Variants in CASZ1 observed in about 807,000 individuals in gnomAD.
CASZ1 encodes zinc finger protein castor homolog 1.
A neutral mutation model predicts 135.2 loss-of-function variants in CASZ1; 28 were observed. The ratio of observed to expected loss-of-function variants is 0.21; its 90% CI spans 0.15 to 0.28. CASZ1 has a LOEUF of 0.28. Among genes scored for constraint, CASZ1 ranks in the 10% least tolerant of loss-of-function variants. CASZ1 has a pLI of 1.00. For missense variants in CASZ1, 2,161 were observed against 2,453.3 expected, an observed-to-expected ratio of 0.88 and a Z score of 2.52; for synonymous variants, 1,068 against 1,073.4, an observed-to-expected ratio of 0.99 and a Z score of 0.10.
chr1:10,708,931 C>T (rs143390494), intron 2 of CASZ1, among the ~76,000 whole-genome samples: 2,319 of 63,882 alleles, frequency 0.036, 43 homozygotes, highest in Non-Finnish European at 0.049. Flanking sequence ...GTGCCAGGGT[C>T]GGGGGAGGGC....
Position 10,721,107 on chromosome 1 carries a change from C to T in CASZ1, c.-76-15563G>A, listed in dbSNP as rs1033844683. Among the ~76,000 whole-genome samples the T allele has an allele frequency of 4.6e-5, 7 of 152,108 alleles. No individual in the cohort carries two copies. Among genetic ancestry groups the T allele is most frequent in the African/African-American group, 1.4e-4 (6 of 41,436 alleles). ...GGCTCCTGGGCCTCAGGCAACTGCC[C>T]GGTGCCCAGGGTCCCCTTGGCTCCT... On this transcript the variant is annotated intron_variant, in intron 2 of 20. Coordinates refer to ENST00000377022, the MANE Select transcript of CASZ1 (RefSeq NM_001079843.3). The surrounding 1 kb of genome is among the most constrained non-coding windows in gnomAD (Gnocchi z 5.4).
chr1:10,653,717 C>G lies in CASZ1; in HGVS notation c.2340G>C (p.Leu780=). 6.2e-7 allele frequency: 1 copy of G among 1,600,214 alleles called. No homozygotes were observed. The highest frequency in any genetic ancestry group is 8.5e-7 in the Non-Finnish European group (1 of 1,172,954). ...SKISGLLPQG[L]PGSIPLALAL... Reference sequence around the variant, plus strand: ...CCAGGGCCAGGGGGATTGAGCCAGGCAGGCCCTGGGGCAGCAGCCCCGAGA... The same window carrying G: ...CCAGGGCCAGGGGGATTGAGCCAGGGAGGCCCTGGGGCAGCAGCCCCGAGA... Residue 780 remains leucine, a synonymous_variant, in exon 11 of 21, where the codon CTG becomes CTC. Transcript: ENST00000377022.
Position 10,711,228 on chromosome 1 carries a change from C to T in CASZ1, c.-76-5684G>A, listed in dbSNP as rs748813636. Among the ~76,000 whole-genome samples, 14 of 152,198 alleles carry T rather than the reference C, an allele frequency of 9.2e-5. No homozygotes were observed. The highest frequency in any genetic ancestry group is 4.1e-4 in the South Asian group (2 of 4,832). The stretch of plus-strand genomic sequence containing the variant: ...CTGCCTCCTGCCATGCAATTGGGTA[C>T]GCAGGCTGCTTAACCTCTCCAGGCC... On this transcript the variant is annotated intron_variant, in intron 2 of 20. Transcript: ENST00000377022. The surrounding 1 kb of genome is among the most constrained non-coding windows in gnomAD (Gnocchi z 4.4).
At position 10,665,399 on chromosome 1, in the gene CASZ1, G is replaced by A; in HGVS notation, c.189C>T (p.Asp63=). The A allele has an allele frequency of 6.2e-7, 1 of 1,612,974 alleles. No individual in the cohort carries two copies. Among genetic ancestry groups the A allele is most frequent in the South Asian group, 1.1e-5 (1 of 91,008 alleles). The change falls in exon 5 of 21, where the codon GAC becomes GAT. Residue 63 remains aspartate, a synonymous_variant. Coordinates refer to ENST00000377022, the MANE Select transcript of CASZ1 (RefSeq NM_001079843.3). ...CAGACTCAGGGCCACTGCGCTCTTGGTCCCGGGGCTGCGATGGGCTGCCCT... is the reference window on the plus strand; with the variant it reads ...CAGACTCAGGGCCACTGCGCTCTTGATCCCGGGGCTGCGATGGGCTGCCCT... ...HTEGSPSQPR[D]QERSGPESGA...
intron 1 of CASZ1, among the ~76,000 whole-genome samples, chr1:10,781,032 C>A (rs1327131168): frequency 6.6e-6 from 1 of 152,228 alleles, no homozygotes; most frequent in Non-Finnish European, 1.5e-5. Context: ...CCTTCTCCTG[C>A]ACCCCCTCTC....
chr1:10,706,182 GAGGGACGATGGTC>G lies in CASZ1; in HGVS notation c.-76-651_-76-639del, dbSNP rs1358595671. On this transcript the variant is annotated intron_variant, in intron 2 of 20. Transcript: ENST00000377022. This position sits in a 1 kb window ranked among gnomAD's most constrained non-coding sequence, Gnocchi z 4.3. The stretch of plus-strand genomic sequence containing the variant: ...CCCATGTCCAGAGACCGTGCAGGGA[GAGGGACGATGGTC>G]AGACAACGTGGAGGCTTTAACCAAC... Among the ~76,000 whole-genome samples the G allele has an allele frequency of 6.6e-6, 1 of 152,248 alleles. No individual in the cohort carries two copies. Among genetic ancestry groups the G allele is most frequent in the Non-Finnish European group, 1.5e-5 (1 of 68,038 alleles).
At chr1:10,743,158 C>T (rs891148129) in intron 2 of CASZ1, among the ~76,000 whole-genome samples, 5 of 152,038 alleles carry the variant, frequency 3.3e-5, no homozygotes, top group Non-Finnish European at 7.4e-5. Context: ...CTAGAGCCCT[C>T]AGGACAGAGG....
rs1370934551 is a variant in CASZ1 at position 10,757,814 on chromosome 1, A to G, written c.-77+2887T>C. Among the ~76,000 whole-genome samples the G allele has an allele frequency of 6.6e-6, 1 of 152,024 alleles. No homozygotes were observed. The highest frequency in any genetic ancestry group is 1.5e-5 in the Non-Finnish European group (1 of 68,016). On this transcript the variant is annotated intron_variant, in intron 2 of 20. Transcript: ENST00000377022. The surrounding 1 kb of genome is among the most constrained non-coding windows in gnomAD (Gnocchi z 4.6). ...AACAAAAAACAAAAAACAGAAAACCATCACATCACTTTACCTCTGGCTCAA... is the reference window on the plus strand; with the variant it reads ...AACAAAAAACAAAAAACAGAAAACCGTCACATCACTTTACCTCTGGCTCAA...
At chr1:10,675,568 G>A (rs1352097239) in intron 4 of CASZ1, among the ~76,000 whole-genome samples, 3 of 152,072 alleles carry the variant, frequency 2.0e-5, no homozygotes, top group African/African-American at 4.8e-5. Context: ...AACTCCGCAC[G>A]GACCTGGCTG....
chr1:10,704,511 C>G (rs944941183), intron 3 of CASZ1: 1 of 152,256 alleles, frequency 6.6e-6, no homozygotes, highest in African/African-American at 2.4e-5. Context: ...CTTTGAAGTC[C>G]GAAAGGGATG....
Position 10,770,153 on chromosome 1 carries a change from C to A in CASZ1, c.-233-9296G>T, listed in dbSNP as rs550207547. On this transcript the variant is annotated intron_variant, in intron 1 of 20. Coordinates refer to ENST00000377022, the MANE Select transcript of CASZ1 (RefSeq NM_001079843.3). ...AGGCTGGAGTGCAATGGCACGATCT[C>A]GGCTCACTGCAGCCTCCACCTCCTG... is the stretch of plus-strand genomic sequence containing the variant. 5.9e-5 allele frequency among the ~76,000 whole-genome samples: 9 copies of A among 152,244 alleles called. No homozygotes were observed. In the South Asian group the frequency reaches 1.9e-3, roughly 32 times the overall value.
chr1:10,771,188 G>A (rs748447463), intron 1 of CASZ1, among the ~76,000 whole-genome samples: 5 of 149,994 alleles, frequency 3.3e-5, no homozygotes, highest in East Asian at 2.0e-4. Context: ...GGGAGCAACC[G>A]CCCCACTTGG....
chr1:10,702,554 A>G (rs1639082887), intron 3 of CASZ1, among the ~76,000 whole-genome samples: 1 of 152,190 alleles, frequency 6.6e-6, no homozygotes, highest in Non-Finnish European at 1.5e-5. Context: ...AGGCCAAGCC[A>G]AGAGGAATCA....
rs796182225 is a variant in CASZ1, at chr1:10,679,426, C to T, written c.17-13855G>A. ...CAACGCCACCCAGGGCTCCCTCTGCCGATTCCAGGCTGGAGTCATTGTTCA... is the reference window on the plus strand; with the variant it reads ...CAACGCCACCCAGGGCTCCCTCTGCTGATTCCAGGCTGGAGTCATTGTTCA... On this transcript the variant is annotated intron_variant, in intron 4 of 20. Transcript: ENST00000377022. The surrounding 1 kb of genome is among the most constrained non-coding windows in gnomAD (Gnocchi z 4.7). Among the ~76,000 whole-genome samples the T allele has an allele frequency of 5.3e-5, 8 of 152,250 alleles. No homozygotes were observed. Among genetic ancestry groups the T allele is most frequent in the Middle Eastern group, 3.4e-3 (1 of 294 alleles).
intron 2 of CASZ1, among the ~76,000 whole-genome samples, chr1:10,722,145 A>G (rs1395736422): frequency 2.6e-5 from 4 of 152,208 alleles, no homozygotes; most frequent in East Asian, 1.9e-4. Context: ...CAGCTGTCAC[A>G]GCCACCGTCT....
intron 4 of CASZ1, among the ~76,000 whole-genome samples, chr1:10,686,934 T>C (rs1205899663): frequency 6.6e-6 from 1 of 152,172 alleles, no homozygotes; most frequent in African/African-American, 2.4e-5. Context: ...GGTCATCCTT[T>C]TGCGAGGCAG....
intron 11 of CASZ1, 83 bp from the exon 12 acceptor site, chr1:10,651,159 A>C: frequency 8.3e-7 from 1 of 1,205,140 alleles, no homozygotes; most frequent in Non-Finnish European, 1.1e-6. Context: ...CCCTGGAGGG[A>C]GGGCAGTGGG....
rs764396496 is a variant in CASZ1 at position 10,644,952 on chromosome 1, T to A, written c.3833A>T (p.Lys1278Ile). The change falls in exon 18 of 21, where the codon AAA (lysine) becomes ATA (isoleucine). Residue 1278 changes from lysine (K) to isoleucine (I), a missense_variant. Physicochemically the swap from Lys to Ile is moderately radical, Grantham distance 102 (BLOSUM62 -3). Coordinates refer to ENST00000377022, the MANE Select transcript of CASZ1 (RefSeq NM_001079843.3). ...KAERRAANGFKYFTKREECGR... is the reference protein window; with the variant it reads ...KAERRAANGFIYFTKREECGR... ...ACACTCCTCGCGCTTGGTGAAGTATTTGAAGCCATTGGCTGCCCGCCGCTC... is the reference window on the plus strand; with the variant it reads ...ACACTCCTCGCGCTTGGTGAAGTATATGAAGCCATTGGCTGCCCGCCGCTC... The A allele has an allele frequency of 6.2e-7, 1 of 1,613,912 alleles. No homozygotes were observed. The highest frequency in any genetic ancestry group is 8.5e-7 in the Non-Finnish European group (1 of 1,180,000).
At chr1:10,688,568 A>T (rs1445581614) in intron 4 of CASZ1, among the ~76,000 whole-genome samples, 2 of 152,134 alleles carry the variant, frequency 1.3e-5, no homozygotes, top group African/African-American at 4.8e-5. Context: ...GCCTGGTGGG[A>T]CAGCAGACCG....
Sources: allele counts gnomAD v4.1 joint callset (sites outside exome capture counted in the v4.1 genomes callset), GRCh38; gene constraint gnomAD v4.1.1; non-coding constraint Gnocchi (gnomAD v3.1); transcripts MANE v1.5; gene names NCBI Gene and HGNC (gene_info 2026-07-23, HGNC 2026-07-21).